Variants in ZFHX3 observed in about 807,000 individuals in gnomAD.
ZFHX3 encodes zinc finger homeobox 3.
In ZFHX3, 42 loss-of-function variants were observed where a neutral mutation model predicts 279.1. That is an observed-to-expected ratio of 0.15 (90% CI 0.12 to 0.19). The LOEUF is 0.19. Among genes scored for constraint, ZFHX3 ranks in the 10% least tolerant of loss-of-function variants. ZFHX3 has a pLI of 1.00. For missense variants in ZFHX3, 4,981 were observed against 4,754.0 expected (o/e 1.05, Z -1.40); for synonymous variants, 2,293 against 1,957.8 (o/e 1.17, Z -4.52).
intron 3 of ZFHX3, among the ~76,000 whole-genome samples, chr16:73,415,744 G>A (rs1012200639): frequency 1.3e-5 from 2 of 152,156 alleles, no homozygotes; most frequent in African/African-American, 4.8e-5. Flanking sequence ...GACGCCAGTT[G>A]CAGATTCCAT....
intron 1 of ZFHX3, among the ~76,000 whole-genome samples, chr16:73,814,731 C>T (rs1230278255): frequency 1.3e-5 from 2 of 152,018 alleles, no homozygotes; most frequent in African/African-American, 2.4e-5. Flanking sequence ...CCATGCCTGG[C>T]TAATTTTTAT....
At chr16:73,775,822 G>A (rs1452313460) in intron 1 of ZFHX3, among the ~76,000 whole-genome samples, 2 of 152,180 alleles carry the variant, frequency 1.3e-5, no homozygotes, top group Middle Eastern at 3.2e-3. Flanking sequence ...GTGCCATTAA[G>A]TGATGGGGCC....
At chr16:73,390,523 G>C (rs545616752) in intron 3 of ZFHX3, among the ~76,000 whole-genome samples, 1 of 152,300 alleles carries the variant, frequency 6.6e-6, no homozygotes, top group South Asian at 2.1e-4. Context: ...TCTGGTTCTA[G>C]AGAATGGTAT....
At chr16:73,696,968 C>A (rs997706800) in intron 1 of ZFHX3, among the ~76,000 whole-genome samples, 3 of 151,884 alleles carry the variant, frequency 2.0e-5, no homozygotes, top group Non-Finnish European at 4.4e-5. Flanking sequence ...CATCTGTTTG[C>A]TTACAGACCA....
intron 3 of ZFHX3, among the ~76,000 whole-genome samples, chr16:73,403,196 C>T (rs2017292623): frequency 6.6e-6 from 1 of 152,100 alleles, no homozygotes. Context: ...AATTTATATC[C>T]GTTGCAGTAA....
At chr16:73,131,146 T>C (rs1236390960) in intron 6 of ZFHX3, 1 of 457,856 alleles carries the variant, frequency 2.2e-6, no homozygotes, top group Non-Finnish European at 4.4e-6. Context: ...GACATGAGAA[T>C]TCAATGAAAG....
At chr16:73,120,122 T>C (rs1272737856) in intron 7 of ZFHX3, among the ~76,000 whole-genome samples, 1 of 152,152 alleles carries the variant, frequency 6.6e-6, no homozygotes, top group African/African-American at 2.4e-5. Flanking sequence ...TTTTGTTTGT[T>C]TTTTTCACAC....
chr16:73,297,070 G>C (rs778844587), intron 4 of ZFHX3, among the ~76,000 whole-genome samples: 9 of 151,506 alleles, frequency 5.9e-5, no homozygotes, highest in Non-Finnish European at 1.0e-4. Flanking sequence ...GTAGAGACAG[G>C]GTTTCACCGT....
rs115010981 is a variant in ZFHX3 at position 73,439,804 on chromosome 16, A to G, written c.-1291+16199T>C. Among the ~76,000 whole-genome samples the G allele has an allele frequency of 7.0e-3, 1,013 of 145,294 alleles. 17 individuals carry two copies. Among genetic ancestry groups the G allele is most frequent in the African/African-American group, 0.025 (977 of 39,656 alleles). The stretch of plus-strand genomic sequence containing the variant: ...GTTTGAGGGGCTCAGAGGTGTGTGG[A>G]TTGCTGAAATTGGACACATGTGGCA... On this transcript the variant is annotated intron_variant, in intron 3 of 17. Transcript: ENST00000641206.
At chr16:72,949,149 C>G (rs1450005492) in intron 3 of ZFHX3, among the ~76,000 whole-genome samples, 2 of 152,202 alleles carry the variant, frequency 1.3e-5, no homozygotes, top group African/African-American at 4.8e-5. Flanking sequence ...AAATGAAGTA[C>G]AATTATCAAC....
At chr16:73,315,171 C>A (rs1358265570) in intron 4 of ZFHX3, among the ~76,000 whole-genome samples, 1 of 150,396 alleles carries the variant, frequency 6.6e-6, no homozygotes, top group Non-Finnish European at 1.5e-5. Context: ...CAGTGAGCAC[C>A]ACTGCACTCC....
chr16:73,275,172 T>A (rs1045916764), intron 4 of ZFHX3, among the ~76,000 whole-genome samples: 31 of 152,336 alleles, frequency 2.0e-4, no homozygotes, highest in African/African-American at 7.5e-4. Flanking sequence ...GTCTCACTTG[T>A]TACTTTGTAT....
chr16:73,735,648 C>CA (rs1156775169), intron 1 of ZFHX3, among the ~76,000 whole-genome samples: 13 of 152,274 alleles, frequency 8.5e-5, no homozygotes, highest in African/African-American at 3.1e-4. Context: ...TCTTGCTATT[C>CA]AGCAAAAAGT....
chr16:73,444,194 G>C (rs577807133), intron 3 of ZFHX3, among the ~76,000 whole-genome samples: 123 of 152,306 alleles, frequency 8.1e-4, no homozygotes, highest in African/African-American at 2.8e-3. Flanking sequence ...TTCTAGTATG[G>C]ATAATTTTTT....
At chr16:73,112,452 C>T (rs1966386397) in intron 7 of ZFHX3, among the ~76,000 whole-genome samples, 1 of 152,044 alleles carries the variant, frequency 6.6e-6, no homozygotes, top group Non-Finnish European at 1.5e-5. Context: ...GTGGCTGGCA[C>T]CTGTAATCCC....
chr16:72,811,346 C>G (rs76516600), intron 7 of ZFHX3, among the ~76,000 whole-genome samples: 5,705 of 152,238 alleles, frequency 0.037, 615 homozygotes, highest in East Asian at 0.28. Context: ...CCCCTGAGGG[C>G]AGAGAGGATG....
At chr16:73,029,724 G>A (rs1964627609) in intron 1 of ZFHX3, among the ~76,000 whole-genome samples, 1 of 152,194 alleles carries the variant, frequency 6.6e-6, no homozygotes, top group African/African-American at 2.4e-5. Flanking sequence ...CAGCCCCACT[G>A]TTCCTGCGTG....
At position 73,223,445 on chromosome 16, in the gene ZFHX3, A is replaced by G. The variant is rs116502841; in HGVS notation, c.-1104+33602T>C. Among the ~76,000 whole-genome samples, 467 of 152,304 alleles carry G rather than the reference A, an allele frequency of 3.1e-3. 7 individuals carry two copies. The highest frequency in any genetic ancestry group is 0.011 in the African/African-American group (447 of 41,572). Reference sequence around the variant, plus strand: ...ACGCCTCACCAAAGAAGATATATAGATGGTAAACAAGCATATAAGAAGATG... The same window carrying G: ...ACGCCTCACCAAAGAAGATATATAGGTGGTAAACAAGCATATAAGAAGATG... On this transcript the variant is annotated intron_variant, in intron 5 of 17. Coordinates refer to the ZFHX3 transcript ENST00000641206.
At chr16:73,035,185 T>C (rs780550094) in intron 1 of ZFHX3, among the ~76,000 whole-genome samples, 2 of 152,234 alleles carry the variant, frequency 1.3e-5, no homozygotes, top group Admixed American at 6.5e-5. Context: ...ATCTCATTAA[T>C]AGTTTTATTA....
Sources: allele counts gnomAD v4.1 joint callset (sites outside exome capture counted in the v4.1 genomes callset), GRCh38; gene constraint gnomAD v4.1.1; transcripts MANE v1.5; gene names NCBI Gene and HGNC (gene_info 2026-07-23, HGNC 2026-07-21).